Variants in TP63 observed in about 807,000 individuals in gnomAD.
The protein encoded by TP63 is tumor protein p63.
A neutral mutation model predicts 82.8 loss-of-function variants in TP63; 17 were observed. The observed-to-expected ratio is 0.21, with a 90% CI of 0.14 to 0.31. The LOEUF (loss-of-function observed/expected upper bound fraction) is 0.31. TP63 is among the 10% of genes least tolerant of loss of function. The pLI, the probability that TP63 is intolerant of heterozygous loss-of-function variation, is 1.00. For synonymous variants in TP63, 330 were observed against 321.7 expected (o/e 1.03, Z -0.28); for missense variants, 648 against 895.3 (o/e 0.72, Z 3.52).
chr3:189,854,256 C>T (rs1392253585), intron 4 of TP63, among the ~76,000 whole-genome samples: 1 of 152,116 alleles, frequency 6.6e-6, no homozygotes, highest in East Asian at 1.9e-4. Flanking sequence ...TTGAGATGGA[C>T]TTTTGCTTTT....
intron 4 of TP63, among the ~76,000 whole-genome samples, chr3:189,815,271 G>C (rs1209841735): frequency 6.6e-6 from 1 of 151,946 alleles, no homozygotes; most frequent in African/African-American, 2.4e-5. Context: ...TTTTTATCAG[G>C]ATTAAATTAT....
At chr3:189,669,781 A>G (rs1262852352) in intron 1 of TP63, among the ~76,000 whole-genome samples, 3 of 152,072 alleles carry the variant, frequency 2.0e-5, no homozygotes, top group African/African-American at 7.2e-5. Context: ...AAAAAGAGAT[A>G]TAGTAAAGCA....
intron 1 of TP63, among the ~76,000 whole-genome samples, chr3:189,670,862 C>T (rs1004160816): frequency 1.3e-5 from 2 of 151,966 alleles, no homozygotes; most frequent in African/African-American, 2.4e-5. Context: ...AAACCTTTCC[C>T]TGGTCATATA....
chr3:189,874,165 G>A (rs958187295), intron 10 of TP63, among the ~76,000 whole-genome samples: 4 of 152,126 alleles, frequency 2.6e-5, no homozygotes, highest in South Asian at 4.1e-4. Context: ...TGCCTAGCGG[G>A]TTCAAGTGAT....
chr3:189,608,636 G>A, the TP63 span, among the ~76,000 whole-genome samples: 2,042 of 152,116 alleles, frequency 0.013, 24 homozygotes, highest in East Asian at 0.044. Context: ...GGCAGAATAT[G>A]ACTTAAATAT....
At chr3:189,864,513 T>C in intron 5 of TP63, 95 bp downstream of exon 5, 1 of 1,195,624 alleles carries the variant, frequency 8.4e-7, no homozygotes, top group Admixed American at 2.8e-5. Context: ...GATTCAGACT[T>C]CTGCACTCCG....
chr3:189,612,805 G>A, the TP63 span, among the ~76,000 whole-genome samples: 2 of 152,330 alleles, frequency 1.3e-5, no homozygotes, highest in Middle Eastern at 3.4e-3. Flanking sequence ...GTTGGGAACT[G>A]GAGTAAAGGT....
At position 189,868,658 on chromosome 3, in the gene TP63, T is replaced by C; in HGVS notation, c.1071T>C (p.Asp357=). The C allele has an allele frequency of 6.2e-7, 1 of 1,614,110 alleles. No individual in the cohort carries two copies. The highest frequency in any genetic ancestry group is 8.5e-7 in the Non-Finnish European group (1 of 1,179,994). Residue 357 remains aspartate, a synonymous_variant, in exon 8 of 14, where the codon GAT becomes GAC. Transcript: ENST00000264731. The part of the protein sequence containing the change: ...CPGRDRKADE[D]SIRKQQVSDS... ...GAAGAGACAGGAAGGCGGATGAAGA[T>C]AGCATCAGAAAGCAGCAAGTTTCGG...
chr3:189,601,964 A>G, the TP63 span, among the ~76,000 whole-genome samples: 1 of 152,154 alleles, frequency 6.6e-6, no homozygotes, highest in South Asian at 2.1e-4. Context: ...TCTTGATGGA[A>G]ATTTAAACAA....
upstream of TP63, chr3:189,631,321 A>T: frequency 1.4e-6 from 2 of 1,406,310 alleles, no homozygotes; most frequent in Non-Finnish European, 1.9e-6. Flanking sequence ...GATGAATCTC[A>T]TTGGCTAAAA....
At chr3:189,884,599 AAAG>A (rs1720252045) in intron 10 of TP63, among the ~76,000 whole-genome samples, 1 of 152,238 alleles carries the variant, frequency 6.6e-6, no homozygotes, top group Non-Finnish European at 1.5e-5. Context: ...GAAAATGTAC[AAAG>A]AAGAGTTCGG....
intron 3 of TP63, 87 bp from the exon 4 acceptor site, chr3:189,808,184 AG>A: frequency 6.2e-7 from 1 of 1,609,382 alleles, no homozygotes; most frequent in South Asian, 1.1e-5. Flanking sequence ...CCATCTCTGT[AG>A]AATGCATTCA....
rs1018758799 is a variant in TP63 at position 189,837,195 on chromosome 3, C to T, written c.580-27037C>T. Among the ~76,000 whole-genome samples the T allele has an allele frequency of 5.4e-5, 8 of 148,416 alleles. No individual in the cohort carries two copies. In the East Asian group the frequency reaches 7.8e-4, roughly 14 times the overall value. Reference sequence around the variant, plus strand: ...TGCATGCCCTGTCTCCTGCTACTTCCTCTGTTCAAAACATTTTTTTTTTCT... The same window carrying T: ...TGCATGCCCTGTCTCCTGCTACTTCTTCTGTTCAAAACATTTTTTTTTTCT... On this transcript the variant is annotated intron_variant, in intron 4 of 13. Transcript: ENST00000264731.
chr3:189,810,091 T>A (rs1001687203), intron 4 of TP63, among the ~76,000 whole-genome samples: 2 of 152,230 alleles, frequency 1.3e-5, no homozygotes, highest in African/African-American at 4.8e-5. Flanking sequence ...CTGTAGAGCA[T>A]GAACATCAGC....
intron 4 of TP63, among the ~76,000 whole-genome samples, chr3:189,831,635 T>G (rs1712352479): frequency 6.6e-6 from 1 of 151,356 alleles, no homozygotes; most frequent in South Asian, 2.1e-4. Context: ...GATAGCAGCA[T>G]GAAGCTCTTC....
At chr3:189,753,678 A>G (rs1721984897) in intron 3 of TP63, among the ~76,000 whole-genome samples, 1 of 152,066 alleles carries the variant, frequency 6.6e-6, no homozygotes, top group East Asian at 1.9e-4. Flanking sequence ...AATTATCAAT[A>G]TGGTACTTTT....
intron 3 of TP63, among the ~76,000 whole-genome samples, chr3:189,742,135 C>A (rs1485254292): frequency 7.3e-6 from 1 of 136,870 alleles, no homozygotes; most frequent in African/African-American, 2.8e-5. Context: ...CCCAGCTACT[C>A]AGGAGGCTGA....
chr3:189,648,725 T>G lies in TP63; in HGVS notation c.62+17148T>G, dbSNP rs143198585. On this transcript the variant is annotated intron_variant, in intron 1 of 13. Coordinates refer to ENST00000264731, the MANE Select transcript of TP63 (RefSeq NM_003722.5). ...GAATGTCACACTCAGAATTCAGTGTTCTTCCTAAATCTTACCATTATCCTG... is the reference window on the plus strand; with the variant it reads ...GAATGTCACACTCAGAATTCAGTGTGCTTCCTAAATCTTACCATTATCCTG... Among the ~76,000 whole-genome samples, 819 of 147,496 alleles carry G rather than the reference T, an allele frequency of 5.6e-3. 106 individuals carry two copies. Among genetic ancestry groups the G allele is most frequent in the African/African-American group, 0.02 (791 of 39,476 alleles).
intron 1 of TP63, among the ~76,000 whole-genome samples, chr3:189,699,329 T>A (rs1717628249): frequency 6.6e-6 from 1 of 152,214 alleles, no homozygotes; most frequent in South Asian, 2.1e-4. Context: ...AAGTTATTGC[T>A]CTTTACGTGC....
Sources: gnomAD v4.1 joint callset for allele counts (sites outside exome capture counted in the v4.1 genomes callset) on GRCh38, gnomAD v4.1.1 for gene constraint, MANE v1.5 for transcripts, NCBI Gene and HGNC (gene_info 2026-07-23, HGNC 2026-07-21) for gene names.